The following PRKG1 variants were observed in gnomAD, a reference collection of about 807,000 sequenced individuals.
PRKG1 encodes cGMP-dependent protein kinase 1.
In PRKG1, 35 loss-of-function variants were observed where a neutral mutation model predicts 88.1. The observed-to-expected ratio is 0.40, with a 90% confidence interval of 0.30 to 0.53. The LOEUF (loss-of-function observed/expected upper bound fraction) is 0.53. PRKG1 is among the 20% of genes least tolerant of loss of function. The pLI is 0.59. For synonymous variants in PRKG1, 303 were observed against 292.5 expected, an observed-to-expected ratio of 1.04 and a Z score of -0.37; for missense variants, 540 against 839.8, an observed-to-expected ratio of 0.64 and a Z score of 4.41.
intron 5 of PRKG1, among the ~76,000 whole-genome samples, chr10:51,983,338 T>G (rs996083472): frequency 6.6e-6 from 1 of 151,946 alleles, no homozygotes; most frequent in Non-Finnish European, 1.5e-5. Flanking sequence ...GAGGTGGCCA[T>G]GGGGAGGGAA....
At chr10:51,670,547 T>G (rs1271170029) in intron 3 of PRKG1, among the ~76,000 whole-genome samples, 1 of 149,964 alleles carries the variant, frequency 6.7e-6, no homozygotes, top group African/African-American at 2.4e-5. Flanking sequence ...CCATCCCGGC[T>G]AAAACGGTGA....
intron 1 of PRKG1, among the ~76,000 whole-genome samples, chr10:51,135,972 A>AG (rs1845676157): frequency 1.2e-4 from 1 of 8,626 alleles, no homozygotes; most frequent in Admixed American, 1.7e-3. Context: ...TTGTGGGGGA[A>AG]GGGGGGAGGG....
At chr10:50,999,854 A>G (rs1842870864) in intron 1 of PRKG1, among the ~76,000 whole-genome samples, 1 of 152,228 alleles carries the variant, frequency 6.6e-6, no homozygotes, top group Admixed American at 6.5e-5. Flanking sequence ...TCAGGTTGTA[A>G]ACCCTTGGGT....
At chr10:51,935,464 T>C (rs957047803) in intron 5 of PRKG1, among the ~76,000 whole-genome samples, 1 of 152,130 alleles carries the variant, frequency 6.6e-6, no homozygotes, top group Non-Finnish European at 1.5e-5. Flanking sequence ...ATTTCAGTAA[T>C]TGCAGGGCTT....
chr10:51,397,548 T>C (rs1837613025), intron 2 of PRKG1, among the ~76,000 whole-genome samples: 1 of 152,216 alleles, frequency 6.6e-6, no homozygotes, highest in Non-Finnish European at 1.5e-5. Flanking sequence ...TTTGCTTTTC[T>C]GTTTATGTTC....
intron 9 of PRKG1, among the ~76,000 whole-genome samples, chr10:52,183,229 C>T (rs367716375): frequency 1.3e-5 from 2 of 152,226 alleles, no homozygotes; most frequent in East Asian, 3.9e-4. Flanking sequence ...TATCCTGTAC[C>T]TGCCTGGGGC....
intron 9 of PRKG1, among the ~76,000 whole-genome samples, chr10:52,242,708 C>A (rs1022067728): frequency 5.9e-5 from 9 of 152,032 alleles, no homozygotes; most frequent in African/African-American, 2.2e-4. Flanking sequence ...ACCATCCTGG[C>A]CAACATGGTG....
At chr10:51,171,871 T>G (rs1837034762) in intron 2 of PRKG1, among the ~76,000 whole-genome samples, 1 of 152,096 alleles carries the variant, frequency 6.6e-6, no homozygotes, top group Non-Finnish European at 1.5e-5. Context: ...AAATTAATTT[T>G]ATGGAACAGA....
chr10:51,642,172 A>G (rs1335866050), intron 3 of PRKG1, among the ~76,000 whole-genome samples: 1 of 152,104 alleles, frequency 6.6e-6, no homozygotes, highest in Non-Finnish European at 1.5e-5. Flanking sequence ...CGGCCGGATC[A>G]CAAGGTCAGG....
At chr10:51,850,598 T>C (rs1349343681) in intron 4 of PRKG1, among the ~76,000 whole-genome samples, 1 of 152,056 alleles carries the variant, frequency 6.6e-6, no homozygotes, top group Non-Finnish European at 1.5e-5. Flanking sequence ...TTGCATTACA[T>C]ATCATAAAGA....
chr10:51,186,321 A>G (rs1291933522), intron 2 of PRKG1, among the ~76,000 whole-genome samples: 1 of 151,006 alleles, frequency 6.6e-6, no homozygotes, highest in East Asian at 1.9e-4. Context: ...GTTTTTTCCA[A>G]CACATTTCAT....
In PRKG1 at chr10:52,150,174, A is replaced by ATTATTATTATTATT. The variant is rs1554810270; in HGVS notation, c.1002-11715_1002-11714insTTATTATTATTATT. Among the ~76,000 whole-genome samples, 399 of 104,880 alleles carry ATTATTATTATTATT rather than the reference A, an allele frequency of 3.8e-3. 2 individuals are homozygous for ATTATTATTATTATT. The highest frequency in any genetic ancestry group is 9.8e-3 in the African/African-American group (278 of 28,392). The allele number at this position is 104,880 out of a possible 152,430, so 68.8% of individuals were successfully genotyped here. On this transcript the variant is annotated intron_variant, in intron 8 of 17. Coordinates refer to ENST00000373980, the MANE Select transcript of PRKG1 (RefSeq NM_006258.4). ...AAATAATAATAATAATAATAATAAT[A>ATTATTATTATTATT]ATAATAATAATTTGATTGGCCATAA...
At chr10:51,658,061 G>A (rs1164991272) in intron 3 of PRKG1, among the ~76,000 whole-genome samples, 4 of 152,136 alleles carry the variant, frequency 2.6e-5, no homozygotes, top group East Asian at 1.9e-4. Flanking sequence ...CCAGGCTCAT[G>A]AATGAACTGG....
At chr10:51,758,284 T>TA (rs1177838778) in intron 3 of PRKG1, among the ~76,000 whole-genome samples, 2 of 152,090 alleles carry the variant, frequency 1.3e-5, no homozygotes, top group African/African-American at 2.4e-5. Flanking sequence ...TATAAATCTT[T>TA]AAAAAAATAT....
At chr10:51,986,677 G>A (rs1370359716) in intron 5 of PRKG1, among the ~76,000 whole-genome samples, 1 of 152,160 alleles carries the variant, frequency 6.6e-6, no homozygotes, top group Non-Finnish European at 1.5e-5. Flanking sequence ...ATTCTTCAGA[G>A]CAGACTCTAC....
intron 4 of PRKG1, among the ~76,000 whole-genome samples, chr10:51,806,589 T>A (rs940566858): frequency 3.3e-5 from 5 of 152,174 alleles, no homozygotes; most frequent in Admixed American, 2.0e-4. Context: ...ACATTGTTTG[T>A]GAACATAGGA....
chr10:52,218,333 C>T (rs1218054151), intron 9 of PRKG1, among the ~76,000 whole-genome samples: 4 of 151,690 alleles, frequency 2.6e-5, no homozygotes, highest in Non-Finnish European at 4.4e-5. Flanking sequence ...GCTCTTTTGC[C>T]TGGCATTGAG....
intron 3 of PRKG1, among the ~76,000 whole-genome samples, chr10:51,646,543 G>A (rs1398596799): frequency 6.6e-6 from 1 of 151,744 alleles, no homozygotes; most frequent in Non-Finnish European, 1.5e-5. Flanking sequence ...ATATATTTAC[G>A]TATATAAGCT....
chr10:52,289,105 A>G (rs1323357902), intron 16 of PRKG1, 112 bp downstream of exon 16: 1 of 1,039,268 alleles, frequency 9.6e-7, no homozygotes, highest in Non-Finnish European at 1.4e-6. Flanking sequence ...ACATCCAAAG[A>G]CAGCGTATAA....
Sources: allele counts gnomAD v4.1 joint callset (sites outside exome capture counted in the v4.1 genomes callset), GRCh38; gene constraint gnomAD v4.1.1; transcripts MANE v1.5; gene names NCBI Gene and HGNC (gene_info 2026-07-23, HGNC 2026-07-21).